The following SLC22A4 variants were observed in gnomAD, a reference collection of about 807,000 sequenced individuals.
SLC22A4 encodes ET transporter.
A neutral mutation model predicts 56.6 loss-of-function variants in SLC22A4; 39 were observed. The ratio of observed to expected loss-of-function variants is 0.69; its 90% CI spans 0.53 to 0.90. SLC22A4 has a LOEUF of 0.90. SLC22A4 is among the 40% of genes least tolerant of loss of function. The pLI, the probability that SLC22A4 is intolerant of heterozygous loss-of-function variation, is 0.00. For synonymous variants in SLC22A4, 241 were observed against 281.4 expected, an observed-to-expected ratio of 0.86 and a Z score of 1.44; for missense variants, 594 against 696.5, an observed-to-expected ratio of 0.85 and a Z score of 1.66.
chr5:132,339,475 T>TACACACAC (rs58759726), intron 8 of SLC22A4, among the ~76,000 whole-genome samples: 10,486 of 146,632 alleles, frequency 0.072, 1,057 homozygotes, highest in African/African-American at 0.23. Context: ...GGTACACACG[T>TACACACAC]ACACACACAC....
chr5:132,315,026 G>A (rs1198531085), intron 3 of SLC22A4, among the ~76,000 whole-genome samples: 2 of 152,122 alleles, frequency 1.3e-5, no homozygotes, highest in Non-Finnish European at 2.9e-5. Context: ...TGTGTAGAGG[G>A]CACAGGGAGC....
In SLC22A4 at chr5:132,340,699, T is replaced by C; in HGVS notation, c.1579T>C (p.Trp527Arg). The change falls in exon 9 of 10, where the codon TGG becomes CGG. Residue 527 changes from tryptophan (W) to arginine (R), a missense_variant and splice_region_variant. Transcript: ENST00000200652. ...CTTAGAGCAGATGCAGAAAGTGAAATGGTAAGTAGGACTTTTAACAAAATG... is the reference window on the plus strand; with the variant it reads ...CTTAGAGCAGATGCAGAAAGTGAAACGGTAAGTAGGACTTTTAACAAAATG... The part of the protein sequence containing the change: ...ETLEQMQKVK[W>R]FRSGKKTRDS... 6.2e-7 allele frequency: 1 copy of C among 1,613,922 alleles called. No individual in the cohort carries two copies. The highest frequency in any genetic ancestry group is 1.7e-4 in the Middle Eastern group (1 of 6,060).
Position 132,327,364 on chromosome 5 carries a change from C to T in SLC22A4, c.912C>T (p.Asn304=), listed in dbSNP as rs774759030. The change falls in exon 5 of 10, where the codon AAC becomes AAT. Residue 304 remains asparagine (N), a synonymous_variant. Coordinates refer to ENST00000200652, the MANE Select transcript of SLC22A4 (RefSeq NM_003059.3). ...TCATCCAAAAAGCTGCAAAAATGAA[C>T]AACATAGCTGTACCAGCAGTGATAT... ...EDIIQKAAKM[N]NIAVPAVIFD... 1.9e-6 allele frequency: 3 copies of T among 1,611,892 alleles called. No individual in the cohort carries two copies. The Admixed American group carries it at 5.0e-5, about 27-fold the overall frequency.
intron 1 of SLC22A4, among the ~76,000 whole-genome samples, chr5:132,309,159 C>G (rs1006650245): frequency 2.0e-4 from 30 of 152,234 alleles, no homozygotes; most frequent in African/African-American, 5.8e-4. Flanking sequence ...AAGGACCCCT[C>G]TTAGGACTGG....
At chr5:132,338,806 C>T (rs1396945849) in intron 8 of SLC22A4, among the ~76,000 whole-genome samples, 2 of 152,102 alleles carry the variant, frequency 1.3e-5, no homozygotes, top group Admixed American at 6.6e-5. Context: ...TTCAAGGTGC[C>T]CAGATTTCGT....
chr5:132,330,680 C>A (rs547358725), intron 5 of SLC22A4, among the ~76,000 whole-genome samples: 13 of 152,130 alleles, frequency 8.5e-5, no homozygotes, highest in African/African-American at 3.1e-4. Flanking sequence ...GAGCTGAGAT[C>A]GCGCCACTGT....
intron 5 of SLC22A4, among the ~76,000 whole-genome samples, chr5:132,328,045 G>C (rs112979925): frequency 4.3e-4 from 66 of 152,282 alleles, no homozygotes; most frequent in African/African-American, 1.5e-3. Flanking sequence ...AAGGAACATA[G>C]AATGTAACTA....
intron 8 of SLC22A4, among the ~76,000 whole-genome samples, chr5:132,339,247 T>C (rs1376010407): frequency 1.3e-5 from 2 of 152,210 alleles, no homozygotes; most frequent in South Asian, 2.1e-4. Context: ...TTTTTCCTAG[T>C]TTACCATTTG....
chr5:132,336,403 A>G (rs1751027682), intron 8 of SLC22A4, among the ~76,000 whole-genome samples: 3 of 152,186 alleles, frequency 2.0e-5, no homozygotes, highest in Non-Finnish European at 4.4e-5. Context: ...AGGTGCCTGT[A>G]ATCCCGGCTA....
intron 1 of SLC22A4, among the ~76,000 whole-genome samples, chr5:132,303,674 A>T (rs1267428924): frequency 6.6e-6 from 1 of 152,200 alleles, no homozygotes; most frequent in African/African-American, 2.4e-5. Flanking sequence ...GCCTATTCAT[A>T]TAGTAGAGAC....
rs545757330 is a variant in SLC22A4 at position 132,335,802 on chromosome 5, C to A, written c.1262-16C>A. 2 of 1,607,372 alleles carry A rather than the reference C, an allele frequency of 1.2e-6. No homozygotes were observed. The highest frequency in any genetic ancestry group is 2.2e-5 in the East Asian group (1 of 44,854). ...CTTCTAAAAGCACCATTGTTTATAC[C>A]GGGTCTCTTTTCCAGATTATTACTT... On this transcript the variant is annotated splice_polypyrimidine_tract_variant and intron_variant, in intron 7 of 9. Coordinates refer to ENST00000200652, the MANE Select transcript of SLC22A4 (RefSeq NM_003059.3).
At chr5:132,310,090 T>C (rs1469592420) in intron 1 of SLC22A4, among the ~76,000 whole-genome samples, 1 of 152,234 alleles carries the variant, frequency 6.6e-6, no homozygotes, top group Non-Finnish European at 1.5e-5. Context: ...TGGTATCACA[T>C]TCCTTGAAGA....
At chr5:132,328,903 G>GTATATATATA (rs753290785) in intron 5 of SLC22A4, among the ~76,000 whole-genome samples, 280 of 96,174 alleles carry the variant, frequency 2.9e-3, no homozygotes, top group African/African-American at 9.6e-3. Flanking sequence ...GTGTGTATGT[G>GTATATATATA]TATATATATA....
At chr5:132,334,262 CT>C (rs1160547840) in intron 6 of SLC22A4, among the ~76,000 whole-genome samples, 2 of 152,148 alleles carry the variant, frequency 1.3e-5, no homozygotes, top group East Asian at 3.8e-4. Flanking sequence ...CCTTGTATCT[CT>C]TTTTTGTTAA....
chr5:132,294,429 C>T lies in SLC22A4; in HGVS notation c.-188C>T, dbSNP rs751179159. The T allele has an allele frequency of 6.8e-6, 5 of 730,254 alleles. No homozygotes were observed. The highest frequency in any genetic ancestry group is 1.1e-5 in the Non-Finnish European group (5 of 441,182). 45.2% of individuals were successfully genotyped at this position (730,254 alleles called of 1,614,324 possible). On this transcript the variant is annotated 5_prime_UTR_variant, in exon 1 of 10. Coordinates refer to ENST00000200652, the MANE Select transcript of SLC22A4 (RefSeq NM_003059.3). This position sits in a 1 kb window ranked among gnomAD's most constrained non-coding sequence, Gnocchi z 5.6. Reference sequence around the variant, plus strand: ...TGGCATCAAGCTCAGCGCGAGCTCCCGGGAACGCTCCAACGCCTTCAGCCT... The same window carrying T: ...TGGCATCAAGCTCAGCGCGAGCTCCTGGGAACGCTCCAACGCCTTCAGCCT...
intron 6 of SLC22A4, among the ~76,000 whole-genome samples, chr5:132,334,338 A>G (rs1750954286): frequency 6.6e-6 from 1 of 152,204 alleles, no homozygotes; most frequent in African/African-American, 2.4e-5. Context: ...TAATAGCTCT[A>G]AGAGATTGAG....
intron 3 of SLC22A4, among the ~76,000 whole-genome samples, chr5:132,321,929 A>AAATT (rs1561541829): frequency 6.6e-6 from 1 of 151,724 alleles, no homozygotes; most frequent in African/African-American, 2.4e-5. Flanking sequence ...TAATAATAAT[A>AAATT]AATTAATTAA....
intron 6 of SLC22A4, 24 bp downstream of exon 6, chr5:132,331,874 T>TTC (rs781464159): frequency 7.0e-7 from 1 of 1,421,806 alleles, no homozygotes; most frequent in South Asian, 1.1e-5. Flanking sequence ...GACCTGGAAA[T>TTC]GCAGATATCC....
At position 132,334,919 on chromosome 5, in the gene SLC22A4, A is replaced by G; in HGVS notation, c.1248A>G (p.Gln416=). ...FWGGGVLLFI[Q]LVPVDYYFLS... ...GAGGAGGTGTGCTTCTCTTCATTCA[A>G]CTGGTACCTGTGGGTAAGAAGTTAA... Residue 416 remains glutamine (Q), a synonymous_variant, in exon 7 of 10, where the codon CAA becomes CAG. Transcript: ENST00000200652. 6.2e-7 allele frequency: 1 copy of G among 1,611,450 alleles called. No individual in the cohort carries two copies. The highest frequency in any genetic ancestry group is 1.1e-5 in the South Asian group (1 of 90,990).
Sources: allele counts gnomAD v4.1 joint callset (sites outside exome capture counted in the v4.1 genomes callset), GRCh38; gene constraint gnomAD v4.1.1; non-coding constraint Gnocchi (gnomAD v3.1); transcripts MANE v1.5; gene names NCBI Gene and HGNC (gene_info 2026-07-23, HGNC 2026-07-21).